The following MYLK3 variants were observed in gnomAD, a reference collection of about 807,000 sequenced individuals.
MYLK3 encodes the protein MLC kinase.
A neutral mutation model predicts 76.3 loss-of-function variants in MYLK3; 55 were observed. The ratio of observed to expected loss-of-function variants is 0.72; its 90% CI spans 0.58 to 0.90. The LOEUF is 0.90. Ranked by LOEUF, MYLK3 falls within the 40% of genes least tolerant of loss-of-function variation. MYLK3 has a pLI of 0.00. For missense variants in MYLK3, 973 were observed against 1,053.6 expected, an observed-to-expected ratio of 0.92 and a Z score of 1.06; for synonymous variants, 416 against 425.4, an observed-to-expected ratio of 0.98 and a Z score of 0.27.
At chr16:46,755,035 A>G (rs566445195) in intron 1 of MYLK3, among the ~76,000 whole-genome samples, 2 of 152,008 alleles carry the variant, frequency 1.3e-5, no homozygotes, top group East Asian at 1.9e-4. Context: ...AGCCAGGACT[A>G]TGGGCGTGTG....
intron 8 of MYLK3, chr16:46,726,665 A>AAAAGAAAG: frequency 1.6e-5 from 1 of 60,648 alleles, no homozygotes; most frequent in Non-Finnish European, 3.6e-5. Flanking sequence ...AAGAAAGAAA[A>AAAAGAAAG]AGAAAGAAAG....
chr16:46,748,542 G>A (rs756152321), upstream of MYLK3, among the ~76,000 whole-genome samples: 2 of 152,204 alleles, frequency 1.3e-5, no homozygotes, highest in African/African-American at 2.4e-5. This position sits in a 1 kb window ranked among gnomAD's most constrained non-coding sequence, Gnocchi z 4.3. Context: ...AGAGCCAGCA[G>A]GGTTCATGCA....
chr16:46,736,083 C>G (rs1199749503), intron 3 of MYLK3, among the ~76,000 whole-genome samples: 1 of 152,210 alleles, frequency 6.6e-6, no homozygotes, highest in African/African-American at 2.4e-5. Flanking sequence ...TCATAACTCA[C>G]TACAGCCTCA....
intron 5 of MYLK3, among the ~76,000 whole-genome samples, chr16:46,730,120 T>C (rs540426359): frequency 1.7e-4 from 24 of 139,882 alleles, no homozygotes; most frequent in Non-Finnish European, 3.5e-4. Context: ...ACTGAGGCCA[T>C]CCTGCACCTG....
In MYLK3 at chr16:46,732,439, C is replaced by T. The variant is rs780565861; in HGVS notation, c.1231G>A (p.Gly411Arg). The T allele has an allele frequency of 1.4e-5, 22 of 1,612,790 alleles. No homozygotes were observed. Among genetic ancestry groups the T allele is most frequent in the Non-Finnish European group, 1.7e-5 (20 of 1,180,030 alleles). Residue 411 changes from glycine to arginine, a missense_variant, in exon 4 of 13, where the codon GGA becomes AGA. Transcript: ENST00000394809. The stretch of plus-strand genomic sequence containing the variant: ...CTTTGCTCCTCCTCTGCCTTCACTC[C>T]CCCGGGGCTGCTGCTCTCCTGCAGC... Reference protein sequence around the residue: ...SPLQESSSPGGVKAEEEQRAG... With the variant: ...SPLQESSSPGRVKAEEEQRAG...
intron 12 of MYLK3, among the ~76,000 whole-genome samples, chr16:46,709,103 T>C (rs1330482324): frequency 6.6e-6 from 1 of 152,210 alleles, no homozygotes. Context: ...ATAATCTTTC[T>C]GTTTAGAATC....
intron 9 of MYLK3, among the ~76,000 whole-genome samples, chr16:46,718,032 T>G (rs1966761641): frequency 6.6e-6 from 1 of 152,206 alleles, no homozygotes; most frequent in South Asian, 2.1e-4. Flanking sequence ...AAACATTGGT[T>G]CTTGGGGGAC....
intron 2 of MYLK3, among the ~76,000 whole-genome samples, chr16:46,739,813 G>A (rs766357196): frequency 1.6e-4 from 25 of 152,156 alleles, no homozygotes; most frequent in Non-Finnish European, 3.7e-4. Context: ...TTTCAACTGT[G>A]CAGGAAGTCA....
upstream of MYLK3, among the ~76,000 whole-genome samples, chr16:46,752,995 C>A (rs530499531): frequency 6.6e-6 from 1 of 152,286 alleles, no homozygotes; most frequent in South Asian, 2.1e-4. Context: ...AAAATAAATA[C>A]CCACCCGCAA....
At chr16:46,752,903 A>T (rs145708428), upstream of MYLK3, among the ~76,000 whole-genome samples, 14 of 152,268 alleles carry the variant, frequency 9.2e-5, no homozygotes, top group East Asian at 2.7e-3. Context: ...AAATAAAATG[A>T]TATCAAGGCT....
intron 9 of MYLK3, among the ~76,000 whole-genome samples, chr16:46,719,611 G>A (rs1966779226): frequency 6.6e-6 from 1 of 152,248 alleles, no homozygotes; most frequent in Non-Finnish European, 1.5e-5. Context: ...TGTGAAGAGA[G>A]TAGGGTGATG....
intron 1 of MYLK3, among the ~76,000 whole-genome samples, chr16:46,742,448 A>ACG: frequency 1.1e-5 from 1 of 88,010 alleles, no homozygotes; most frequent in Non-Finnish European, 2.2e-5. Flanking sequence ...CCCAGCAAAA[A>ACG]CACACACACA....
At chr16:46,729,885 G>T in intron 5 of MYLK3, 198 bp from the exon 6 acceptor site, 2 of 611,188 alleles carry the variant, frequency 3.3e-6, no homozygotes, top group Non-Finnish European at 5.8e-6. Flanking sequence ...CACCACCCAG[G>T]CCATTCCACA....
chr16:46,719,069 C>T (rs1477612156), intron 9 of MYLK3, among the ~76,000 whole-genome samples: 1 of 151,986 alleles, frequency 6.6e-6, no homozygotes, highest in African/African-American at 2.4e-5. Context: ...GTGGCTCATA[C>T]CTATAATCCC....
intron 1 of MYLK3, among the ~76,000 whole-genome samples, chr16:46,743,033 A>G (rs540705105): frequency 2.6e-5 from 4 of 151,324 alleles, no homozygotes; most frequent in African/African-American, 9.7e-5. Context: ...ATGCGTACGC[A>G]CCCCCCACCC....
chr16:46,755,356 G>T (rs964361041), intron 1 of MYLK3, among the ~76,000 whole-genome samples: 1 of 151,986 alleles, frequency 6.6e-6, no homozygotes, highest in Non-Finnish European at 1.5e-5. Flanking sequence ...TACTCAGGAG[G>T]CTGAGGCAGG....
Position 46,720,564 on chromosome 16 carries a change from C to T in MYLK3, c.1985+559G>A, listed in dbSNP as rs1234133802. Among the ~76,000 whole-genome samples the T allele has an allele frequency of 2.0e-5, 3 of 152,314 alleles. 1 individual carries two copies. In the South Asian group the frequency reaches 6.2e-4, roughly 32 times the overall value. On this transcript the variant is annotated intron_variant, in intron 9 of 12. Transcript: ENST00000394809. Reference sequence around the variant, plus strand: ...ACCTCCTGGATAGGATGGGTCCACACTGTCTGTGTATTTTCTCATTTAACC... The same window carrying T: ...ACCTCCTGGATAGGATGGGTCCACATTGTCTGTGTATTTTCTCATTTAACC...
In MYLK3 at chr16:46,748,159, C is replaced by T. The variant is rs200577835; in HGVS notation, c.35G>A (p.Gly12Glu). 60 of 1,614,064 alleles carry T rather than the reference C, an allele frequency of 3.7e-5. No individual in the cohort carries two copies. The East Asian group carries it at 1.3e-3, about 35-fold the overall frequency. The change falls in exon 1 of 13, where the codon GGG becomes GAG. Residue 12 changes from glycine (G) to glutamate (E), a missense_variant. Transcript: ENST00000394809. This position sits in a 1 kb window ranked among gnomAD's most constrained non-coding sequence, Gnocchi z 4.3. ...SGTSKESLGHGGLPGLGKTCL... is the reference protein window; with the variant it reads ...SGTSKESLGHEGLPGLGKTCL... ...GGTCTTGCCCAACCCTGGCAGCCCC[C>T]CATGCCCCAGACTCTCCTTGGAGGT...
In MYLK3 at chr16:46,756,281, T is replaced by A. The variant is rs577337012; in HGVS notation, c.-114+6759A>T. On this transcript the variant is annotated intron_variant, in intron 1 of 11. Transcript: ENST00000536476. ...TTGCATTGAAGAATATTTACAGTCA[T>A]AGTAAAGTAAACCCTTTATTAAGTA... Among the ~76,000 whole-genome samples, 25 of 152,336 alleles carry A rather than the reference T, an allele frequency of 1.6e-4. No individual in the cohort carries two copies. The South Asian group carries it at 5.0e-3, about 30-fold the overall frequency.
Sources: allele counts gnomAD v4.1 joint callset (sites outside exome capture counted in the v4.1 genomes callset), GRCh38; gene constraint gnomAD v4.1.1; non-coding constraint Gnocchi (gnomAD v3.1); transcripts MANE v1.5; gene names NCBI Gene and HGNC (gene_info 2026-07-23, HGNC 2026-07-21).